Variants in ULK4 observed in about 807,000 individuals in gnomAD.
ULK4 encodes inactive serine/threonine-protein kinase ULK4.
In ULK4, 133 loss-of-function variants were observed where a neutral mutation model predicts 160.6. The observed-to-expected ratio is 0.83, with a 90% CI of 0.72 to 0.96. ULK4 has a LOEUF of 0.96. Ranked by LOEUF, ULK4 falls within the 40% of genes least tolerant of loss-of-function variation. The probability of loss-of-function intolerance (pLI) is 0.00; values close to 1 mark genes in which losing one functional copy is unlikely to be tolerated. For synonymous variants in ULK4, 534 were observed against 539.8 expected, an observed-to-expected ratio of 0.99 and a Z score of 0.15; for missense variants, 1,580 against 1,499.5, an observed-to-expected ratio of 1.05 and a Z score of -0.89.
At chr3:41,788,037 TAAC>T (rs2040046415) in intron 21 of ULK4, among the ~76,000 whole-genome samples, 1 of 152,142 alleles carries the variant, frequency 6.6e-6, no homozygotes, top group Non-Finnish European at 1.5e-5. Context: ...TTTTCTAATA[TAAC>T]AATAAGAACA....
intron 35 of ULK4, among the ~76,000 whole-genome samples, chr3:41,251,420 C>T (rs539646250): frequency 4.6e-5 from 7 of 152,184 alleles, no homozygotes; most frequent in Non-Finnish European, 1.0e-4. Flanking sequence ...AAATCTACAG[C>T]GCAGCTATTT....
intron 19 of ULK4, among the ~76,000 whole-genome samples, chr3:41,815,043 G>C (rs1355744965): frequency 1.3e-4 from 20 of 151,732 alleles, no homozygotes; most frequent in Admixed American, 1.2e-3. Context: ...CGAGTAGCTG[G>C]AATTACAGGC....
intron 34 of ULK4, among the ~76,000 whole-genome samples, chr3:41,413,249 C>T (rs1200883381): frequency 2.0e-5 from 3 of 152,156 alleles, no homozygotes; most frequent in Non-Finnish European, 4.4e-5. Flanking sequence ...CTGGGTCCCT[C>T]CCTCAACATG....
At chr3:41,397,951 T>G in intron 35 of ULK4, 128 bp downstream of exon 35, 1 of 981,072 alleles carries the variant, frequency 1.0e-6, no homozygotes, top group East Asian at 2.5e-5. Flanking sequence ...GAAAGGTGAC[T>G]GGGAGTTCTT....
chr3:41,676,908 C>CTT (rs11304353), intron 29 of ULK4, among the ~76,000 whole-genome samples: 4,765 of 91,176 alleles, frequency 0.052, 459 homozygotes, highest in African/African-American at 0.16. Flanking sequence ...CACCCCCAAC[C>CTT]TTTTTTTTTT....
At chr3:41,340,546 A>G (rs535513255) in intron 35 of ULK4, among the ~76,000 whole-genome samples, 1 of 152,394 alleles carries the variant, frequency 6.6e-6, no homozygotes, top group South Asian at 2.1e-4. Context: ...TATCTAATAT[A>G]GTAGTTACTA....
chr3:41,568,783 C>T (rs748366091), intron 31 of ULK4, among the ~76,000 whole-genome samples: 8 of 152,192 alleles, frequency 5.3e-5, no homozygotes, highest in Non-Finnish European at 1.2e-4. Flanking sequence ...GCGTTCTCTA[C>T]TTCAACTCCA....
At chr3:41,383,160 G>A (rs770244831) in intron 35 of ULK4, among the ~76,000 whole-genome samples, 3 of 150,770 alleles carry the variant, frequency 2.0e-5, no homozygotes, top group Admixed American at 6.6e-5. Context: ...GTGCAATGGC[G>A]CAATCTCAGG....
intron 35 of ULK4, among the ~76,000 whole-genome samples, chr3:41,269,699 T>C (rs1366540023): frequency 6.6e-6 from 1 of 152,246 alleles, no homozygotes; most frequent in Non-Finnish European, 1.5e-5. Flanking sequence ...GAGAAGGACC[T>C]TCATAGCATC....
intron 36 of ULK4, among the ~76,000 whole-genome samples, chr3:41,248,114 A>C (rs1321837606): frequency 6.6e-6 from 1 of 152,186 alleles, no homozygotes; most frequent in East Asian, 1.9e-4. Flanking sequence ...GCTAAAAGGC[A>C]GCTATAGGTC....
At chr3:41,586,441 G>C (rs2030807680) in intron 31 of ULK4, among the ~76,000 whole-genome samples, 1 of 152,136 alleles carries the variant, frequency 6.6e-6, no homozygotes, top group Non-Finnish European at 1.5e-5. Flanking sequence ...GTGTAAAGTA[G>C]TCAAAATCCT....
At chr3:41,944,127 C>T (rs1575995959) in intron 2 of ULK4, among the ~76,000 whole-genome samples, 1 of 152,130 alleles carries the variant, frequency 6.6e-6, no homozygotes, top group East Asian at 1.9e-4. Flanking sequence ...CTCTTTCTTC[C>T]CCTTCCTCCC....
At chr3:41,343,948 T>C (rs1212953653) in intron 35 of ULK4, among the ~76,000 whole-genome samples, 1 of 152,164 alleles carries the variant, frequency 6.6e-6, no homozygotes, top group East Asian at 1.9e-4. Flanking sequence ...AAATTAGCAA[T>C]GACATTCTTC....
chr3:41,280,526 A>G (rs1401026165), intron 35 of ULK4, among the ~76,000 whole-genome samples: 1 of 152,224 alleles, frequency 6.6e-6, no homozygotes, highest in East Asian at 1.9e-4. Flanking sequence ...GCACAACTAC[A>G]TGGAAACTGA....
chr3:41,780,456 C>T (rs1160888866), intron 21 of ULK4, among the ~76,000 whole-genome samples: 1 of 151,926 alleles, frequency 6.6e-6, no homozygotes, highest in Non-Finnish European at 1.5e-5. Flanking sequence ...TTTTTAGAGT[C>T]AACGAAGCAC....
chr3:41,370,291 G>T (rs1357185578), intron 35 of ULK4, among the ~76,000 whole-genome samples: 1 of 152,118 alleles, frequency 6.6e-6, no homozygotes, highest in Non-Finnish European at 1.5e-5. Context: ...GTTTCTAGAA[G>T]TGTTTCATAG....
chr3:41,566,080 T>A lies in ULK4; in HGVS notation c.3171A>T (p.Leu1057Phe), dbSNP rs769123172. 6.2e-7 allele frequency: 1 copy of A among 1,613,364 alleles called. No individual in the cohort carries two copies. Among genetic ancestry groups the A allele is most frequent in the South Asian group, 1.1e-5 (1 of 91,016 alleles). ...LGNTMQSVIA[L>F]LSNLVACKDS... ...CTTTGCAGGCAACTAGATTGCTGAG[T>A]AATGCAATCACACTTTGCATGGTAT... The change falls in exon 32 of 37, where the codon TTA (leucine) becomes TTT (phenylalanine). Residue 1057 changes from leucine (L) to phenylalanine (F), a missense_variant. Physicochemically the swap from Leu to Phe is conservative, Grantham distance 22 (BLOSUM62 0). Transcript: ENST00000301831.
chr3:41,816,827 CA>C (rs1241185888), intron 19 of ULK4, among the ~76,000 whole-genome samples: 5 of 152,236 alleles, frequency 3.3e-5, no homozygotes, highest in African/African-American at 1.2e-4. Flanking sequence ...ACCAGATTGA[CA>C]AAAATTTTAA....
rs114550997 is a variant in ULK4 at position 41,379,806 on chromosome 3, A to T, written c.3678+18273T>A. Among the ~76,000 whole-genome samples the T allele has an allele frequency of 6.7e-3, 1,017 of 152,332 alleles. 4 individuals carry two copies. The highest frequency in any genetic ancestry group is 0.015 in the East Asian group (79 of 5,186). ...ACTATGATGCTTGATTTTAAAGGCA[A>T]ATTCTTAAGAAGAAACTATGCATGC... On this transcript the variant is annotated intron_variant, in intron 35 of 36. Coordinates refer to ENST00000301831, the MANE Select transcript of ULK4 (RefSeq NM_017886.4).
Sources: allele counts gnomAD v4.1 joint callset (sites outside exome capture counted in the v4.1 genomes callset), GRCh38; gene constraint gnomAD v4.1.1; transcripts MANE v1.5; gene names NCBI Gene and HGNC (gene_info 2026-07-23, HGNC 2026-07-21).